ETV6: variants seen among roughly 807,000 people sequenced by gnomAD.
ETV6 encodes the protein transcription factor ETV6.
In ETV6, 16 loss-of-function variants were observed where a neutral mutation model predicts 51.1. That is an observed-to-expected ratio of 0.31 (90% CI 0.21 to 0.48). The LOEUF (loss-of-function observed/expected upper bound fraction) is 0.48, where lower values mean the gene tolerates loss of function less well. Ranked by LOEUF, ETV6 falls within the 20% of genes least tolerant of loss-of-function variation. ETV6 has a pLI of 0.99. For synonymous variants in ETV6, 240 were observed against 224.1 expected, an observed-to-expected ratio of 1.07 and a Z score of -0.64; for missense variants, 458 against 594.8, an observed-to-expected ratio of 0.77 and a Z score of 2.39.
At chr12:11,749,472 C>T (rs1289234787) in intron 1 of ETV6, among the ~76,000 whole-genome samples, 1 of 152,118 alleles carries the variant, frequency 6.6e-6, no homozygotes, top group East Asian at 1.9e-4. Context: ...ACCAGAGAAG[C>T]AGTTGTGAGA....
Position 11,798,607 on chromosome 12 carries a change from A to C in ETV6, c.164-40533A>C, listed in dbSNP as rs189669147. Among the ~76,000 whole-genome samples, 15 of 152,288 alleles carry C rather than the reference A, an allele frequency of 9.8e-5. No individual in the cohort carries two copies. The East Asian group carries it at 2.3e-3, about 23-fold the overall frequency. ...ATGAGGAAATAAGTTACGTTAGGGC[A>C]CATATATAAAGAAACAGCAGAAAAA... is the stretch of plus-strand genomic sequence containing the variant. On this transcript the variant is annotated intron_variant, in intron 2 of 7. Transcript: ENST00000396373.
intron 4 of ETV6, among the ~76,000 whole-genome samples, chr12:11,861,069 A>G (rs1440947189): frequency 6.6e-6 from 1 of 152,182 alleles, no homozygotes; most frequent in East Asian, 1.9e-4. Flanking sequence ...GTATCTGGCG[A>G]GCGCTGGGTC....
intron 4 of ETV6, among the ~76,000 whole-genome samples, chr12:11,855,628 A>C (rs1351137549): frequency 6.6e-6 from 1 of 152,182 alleles, no homozygotes; most frequent in Non-Finnish European, 1.5e-5. Flanking sequence ...CCTAATTAAC[A>C]CTTCACAAAA....
At position 11,894,578 on chromosome 12, in the gene ETV6, T is replaced by C. The variant is rs1565574203; in HGVS notation, c.*3532T>C. The C allele has an allele frequency of 4.3e-6, 1 of 233,134 alleles. No individual in the cohort carries two copies. Among genetic ancestry groups the C allele is most frequent in the Non-Finnish European group, 8.5e-6 (1 of 118,024 alleles). 14.4% of individuals were successfully genotyped at this position (233,134 alleles called of 1,614,324 possible). On this transcript the variant is annotated 3_prime_UTR_variant, in exon 8 of 8. Transcript: ENST00000396373. Reference sequence around the variant, plus strand: ...TTTGGAACCCTCTGATCCAATGTCTTTTGATACTGATCTCTTGTCCAAATG... The same window carrying C: ...TTTGGAACCCTCTGATCCAATGTCTCTTGATACTGATCTCTTGTCCAAATG...
Position 11,650,043 on chromosome 12 carries a change from C to G in ETV6, c.-85C>G. The G allele has an allele frequency of 2.4e-6, 3 of 1,233,588 alleles. No homozygotes were observed. The highest frequency in any genetic ancestry group is 3.6e-6 in the Non-Finnish European group (3 of 836,058). 76.4% of individuals were successfully genotyped at this position (1,233,588 alleles called of 1,614,324 possible). A position where few individuals can be genotyped will look rare whatever the true frequency, so the allele number is the denominator to read the frequency against. On this transcript the variant is annotated 5_prime_UTR_variant, in exon 1 of 8. Transcript: ENST00000396373. ...AAACTTCTTAAATGACCGCGTCTGG[C>G]TGGCCGTGGAGCCTTTCTGGGTTGG... is the stretch of plus-strand genomic sequence containing the variant.
chr12:11,787,798 A>C (rs1945511233), intron 2 of ETV6, among the ~76,000 whole-genome samples: 1 of 152,210 alleles, frequency 6.6e-6, no homozygotes, highest in African/African-American at 2.4e-5. Context: ...TGTGTAGAAT[A>C]TTAGCAGTTT....
At chr12:11,722,877 C>T (rs1477069781) in intron 1 of ETV6, among the ~76,000 whole-genome samples, 1 of 152,218 alleles carries the variant, frequency 6.6e-6, no homozygotes, top group Non-Finnish European at 1.5e-5. Context: ...TCAGAATCAC[C>T]TCAGGGGCTT....
chr12:11,878,522 G>T (rs969261500), intron 5 of ETV6, among the ~76,000 whole-genome samples: 10 of 152,016 alleles, frequency 6.6e-5, no homozygotes, highest in African/African-American at 2.4e-4. Context: ...TTCGGATACC[G>T]GTGTTTCCAA....
At chr12:11,882,740 G>A (rs190285810) in intron 5 of ETV6, among the ~76,000 whole-genome samples, 3 of 148,526 alleles carry the variant, frequency 2.0e-5, no homozygotes, top group African/African-American at 4.9e-5. Flanking sequence ...ATTAAGAAGC[G>A]TGTCCAGGGT....
intron 3 of ETV6, among the ~76,000 whole-genome samples, chr12:11,846,268 T>C (rs1467958005): frequency 6.6e-6 from 1 of 151,738 alleles, no homozygotes; most frequent in East Asian, 1.9e-4. Context: ...CTGAAGCCTC[T>C]GAATAAAAAT....
Position 11,827,088 on chromosome 12 carries a change from A to ACG in ETV6, c.164-12051_164-12050insGC, listed in dbSNP as rs1198539956. ...GTCTGTCTCACACACACACACACAC[A>ACG]CACACACACACACACACACACACAA... is the stretch of plus-strand genomic sequence containing the variant. On this transcript the variant is annotated intron_variant, in intron 2 of 7. Transcript: ENST00000396373. Among the ~76,000 whole-genome samples, 3 of 150,588 alleles carry ACG rather than the reference A, an allele frequency of 2.0e-5. No homozygotes were observed. The East Asian group carries it at 5.9e-4, about 29-fold the overall frequency.
chr12:11,727,182 A>G (rs1021969473), intron 1 of ETV6, among the ~76,000 whole-genome samples: 1 of 152,248 alleles, frequency 6.6e-6, no homozygotes, highest in Non-Finnish European at 1.5e-5. Context: ...CTGCCCTTGC[A>G]TATCTATAAA....
intron 1 of ETV6, among the ~76,000 whole-genome samples, chr12:11,698,415 C>A (rs1864918855): frequency 6.6e-6 from 1 of 152,224 alleles, no homozygotes; most frequent in Non-Finnish European, 1.5e-5. Flanking sequence ...AATGTGTTAG[C>A]CAGGGCTGTG....
At chr12:11,776,090 A>C (rs942676069) in intron 2 of ETV6, among the ~76,000 whole-genome samples, 1 of 152,196 alleles carries the variant, frequency 6.6e-6, no homozygotes, top group Admixed American at 6.5e-5. Flanking sequence ...TGGCATTTCA[A>C]GATTTAGCCT....
At position 11,723,307 on chromosome 12, in the gene ETV6, A is replaced by G. The variant is rs1219291849; in HGVS notation, c.34-29143A>G. ...ATATAGTGACTGATATTTTTTGAGC[A>G]CTTACTATAGGCCAGAGATTGACTC... On this transcript the variant is annotated intron_variant, in intron 1 of 7. Transcript: ENST00000396373. Among the ~76,000 whole-genome samples, 4 of 152,232 alleles carry G rather than the reference A, an allele frequency of 2.6e-5. No individual in the cohort carries two copies. In the East Asian group the frequency reaches 7.7e-4, roughly 29 times the overall value.
intron 2 of ETV6, among the ~76,000 whole-genome samples, chr12:11,756,555 C>G (rs1945010648): frequency 6.6e-6 from 1 of 152,170 alleles, no homozygotes. Context: ...CCAAGGACCC[C>G]CAAGGGTGCC....
chr12:11,654,241 G>A (rs982638131), intron 1 of ETV6, among the ~76,000 whole-genome samples: 1 of 152,196 alleles, frequency 6.6e-6, no homozygotes, highest in Admixed American at 6.5e-5. Context: ...AGATTAGCAG[G>A]CTTCTAAGTG....
intron 5 of ETV6, among the ~76,000 whole-genome samples, chr12:11,870,800 C>T (rs2136544193): frequency 6.6e-6 from 1 of 152,288 alleles, no homozygotes; most frequent in African/African-American, 2.4e-5. Context: ...GTGGGAGAGA[C>T]AAAGGTGAAA....
chr12:11,877,901 C>A (rs1391781349), intron 5 of ETV6, among the ~76,000 whole-genome samples: 1 of 152,104 alleles, frequency 6.6e-6, no homozygotes, highest in African/African-American at 2.4e-5. Flanking sequence ...GTGTCACTGT[C>A]CCCCCCTGCC....
Sources: allele counts gnomAD v4.1 joint callset (sites outside exome capture counted in the v4.1 genomes callset), GRCh38; gene constraint gnomAD v4.1.1; transcripts MANE v1.5; gene names NCBI Gene and HGNC (gene_info 2026-07-23, HGNC 2026-07-21).